Variants in SOS1 observed in about 807,000 individuals in gnomAD.
The protein encoded by SOS1 is son of sevenless homolog 1.
A neutral mutation model predicts 157.6 loss-of-function variants in SOS1; 25 were observed. That is an observed-to-expected ratio of 0.16 (90% CI 0.12 to 0.22). The LOEUF (loss-of-function observed/expected upper bound fraction) is 0.22. Ranked by LOEUF, SOS1 falls within the 10% of genes least tolerant of loss-of-function variation. The pLI, the probability that SOS1 is intolerant of heterozygous loss-of-function variation, is 1.00. For missense variants in SOS1, 1,237 were observed against 1,599.1 expected (o/e 0.77, Z 3.86); for synonymous variants, 528 against 534.0 (o/e 0.99, Z 0.16).
intron 1 of SOS1, among the ~76,000 whole-genome samples, chr2:39,087,128 T>G (rs1672405686): frequency 6.6e-6 from 1 of 152,102 alleles, no homozygotes; most frequent in Admixed American, 6.6e-5. Context: ...TTTTTGAAAA[T>G]TATAGTATTA....
At chr2:39,082,111 G>A (rs1318253796) in intron 1 of SOS1, among the ~76,000 whole-genome samples, 1 of 152,058 alleles carries the variant, frequency 6.6e-6, no homozygotes, top group East Asian at 1.9e-4. Flanking sequence ...TTACTGACTA[G>A]TCACCCTGTT....
At chr2:39,037,739 C>T (rs957407619) in intron 6 of SOS1, among the ~76,000 whole-genome samples, 5 of 152,034 alleles carry the variant, frequency 3.3e-5, no homozygotes, top group African/African-American at 1.2e-4. Context: ...AACTTCTTCA[C>T]CATTACTATT....
intron 1 of SOS1, among the ~76,000 whole-genome samples, chr2:39,088,755 G>C (rs1213016542): frequency 6.6e-6 from 1 of 151,698 alleles, no homozygotes; most frequent in African/African-American, 2.4e-5. Flanking sequence ...TCTACCTTTT[G>C]GCTATTGTGA....
intron 2 of SOS1, among the ~76,000 whole-genome samples, chr2:39,064,741 C>CCTTT (rs1558496540): frequency 2.0e-5 from 1 of 49,088 alleles, no homozygotes; most frequent in African/African-American, 8.8e-5. Flanking sequence ...TTTTAAAATA[C>CCTTT]ATTTTTTTTT....
chr2:39,023,960 A>C, intron 9 of SOS1, 50 bp downstream of exon 9: 1 of 1,364,056 alleles, frequency 7.3e-7, no homozygotes, highest in Non-Finnish European at 1.0e-6. Flanking sequence ...CTGAATTTAC[A>C]CCACAATATT....
At chr2:39,115,786 A>G (rs1374139348) in intron 1 of SOS1, among the ~76,000 whole-genome samples, 1 of 152,090 alleles carries the variant, frequency 6.6e-6, no homozygotes, top group African/African-American at 2.4e-5. Context: ...TTGTATCACA[A>G]TTTGCTTATT....
chr2:39,045,243 GGAGAGA>G (rs1308718638), intron 6 of SOS1, among the ~76,000 whole-genome samples: 3 of 83,316 alleles, frequency 3.6e-5, no homozygotes, highest in East Asian at 3.3e-4. Flanking sequence ...AGAGAGAGAG[GGAGAGA>G]GAGAGAGAGA....
chr2:39,071,686 A>G (rs990754804), intron 1 of SOS1, among the ~76,000 whole-genome samples: 3 of 152,218 alleles, frequency 2.0e-5, no homozygotes, highest in African/African-American at 7.2e-5. Flanking sequence ...TATTCAAGAA[A>G]GTATGATTAA....
chr2:39,121,403 A>G (rs376216378), upstream of SOS1, among the ~76,000 whole-genome samples: 2 of 152,226 alleles, frequency 1.3e-5, no homozygotes, highest in Non-Finnish European at 2.9e-5. Context: ...CACGCAATGT[A>G]TAGTAAACAG....
At chr2:39,067,923 A>C (rs1371682678) in intron 1 of SOS1, among the ~76,000 whole-genome samples, 170 bp from the exon 2 acceptor site, 1 of 152,150 alleles carries the variant, frequency 6.6e-6, no homozygotes, top group African/African-American at 2.4e-5. Flanking sequence ...GTTTGAGACC[A>C]CCCTGGCCAA....
intron 1 of SOS1, among the ~76,000 whole-genome samples, chr2:39,099,923 G>T (rs941317564): frequency 6.6e-6 from 1 of 152,064 alleles, no homozygotes; most frequent in Non-Finnish European, 1.5e-5. Context: ...CCCCATTTTG[G>T]CCAGGCTGGT....
chr2:39,005,048 G>A (rs1177112662), intron 17 of SOS1, among the ~76,000 whole-genome samples: 2 of 152,112 alleles, frequency 1.3e-5, no homozygotes, highest in Admixed American at 1.3e-4. Context: ...CTTATCCAAA[G>A]GTGATATGTT....
In SOS1 at chr2:39,120,460, G is replaced by A. The variant is rs778636439; in HGVS notation, c.-38C>T. Reference sequence around the variant, plus strand: ...GCGCCTCTGGGCGGGGAGAGGGGCGGCGGCGGCCGGGCCAGGGAGCCGCGA... The same window carrying A: ...GCGCCTCTGGGCGGGGAGAGGGGCGACGGCGGCCGGGCCAGGGAGCCGCGA... On this transcript the variant is annotated 5_prime_UTR_variant, in exon 1 of 23. Coordinates refer to ENST00000402219, the MANE Select transcript of SOS1 (RefSeq NM_005633.4). 3 of 1,534,932 alleles carry A rather than the reference G, an allele frequency of 2.0e-6. No homozygotes were observed. The highest frequency in any genetic ancestry group is 1.8e-6 in the Non-Finnish European group (2 of 1,142,636).
chr2:39,033,064 CT>C (rs1228804117), intron 8 of SOS1, among the ~76,000 whole-genome samples: 1 of 150,016 alleles, frequency 6.7e-6, no homozygotes, highest in African/African-American at 2.5e-5. Context: ...CTAGGAAATT[CT>C]TTTTCTTCTT....
Position 39,120,588 on chromosome 2 carries a change from G to A in SOS1, c.-166C>T, listed in dbSNP as rs1403648594. 1.4e-5 allele frequency: 11 copies of A among 778,402 alleles called. No individual in the cohort carries two copies. Among genetic ancestry groups the A allele is most frequent in the Non-Finnish European group, 1.7e-5 (11 of 635,552 alleles). The allele number at this position is 778,402 out of a possible 1,614,324, so 48.2% of individuals were successfully genotyped here. ...GCTAGCCCTGGCGAGGGGGCTGGGGGGCGAGGCCCGCGCCTGGCCACCCAC... is the reference window on the plus strand; with the variant it reads ...GCTAGCCCTGGCGAGGGGGCTGGGGAGCGAGGCCCGCGCCTGGCCACCCAC... On this transcript the variant is annotated 5_prime_UTR_variant, in exon 1 of 23. Coordinates refer to ENST00000402219, the MANE Select transcript of SOS1 (RefSeq NM_005633.4).
At chr2:39,081,330 G>C (rs1196745900) in intron 1 of SOS1, among the ~76,000 whole-genome samples, 1 of 152,112 alleles carries the variant, frequency 6.6e-6, no homozygotes, top group Non-Finnish European at 1.5e-5. Context: ...GACCAGCCTG[G>C]CCAACATGGT....
intron 20 of SOS1, chr2:38,993,010 A>C (rs1003728185): frequency 1.3e-5 from 2 of 149,776 alleles, no homozygotes; most frequent in Non-Finnish European, 3.0e-5. Flanking sequence ...TTAAGGCAGG[A>C]GGTTTGTTTG....
intron 1 of SOS1, among the ~76,000 whole-genome samples, chr2:39,114,531 G>T (rs1214059028): frequency 6.6e-6 from 1 of 152,046 alleles, no homozygotes; most frequent in Non-Finnish European, 1.5e-5. Flanking sequence ...TCGAACTCCT[G>T]ACCTCAGGTG....
At chr2:39,042,964 T>C (rs897964192) in intron 6 of SOS1, among the ~76,000 whole-genome samples, 7 of 152,154 alleles carry the variant, frequency 4.6e-5, no homozygotes, top group South Asian at 2.1e-4. Flanking sequence ...GATAATTATA[T>C]TGACTACAAA....
Sources: gnomAD v4.1 joint callset for allele counts (sites outside exome capture counted in the v4.1 genomes callset) on GRCh38, gnomAD v4.1.1 for gene constraint, MANE v1.5 for transcripts, NCBI Gene and HGNC (gene_info 2026-07-23, HGNC 2026-07-21) for gene names.